PLAAT5: variants seen among roughly 807,000 people sequenced by gnomAD.
The protein encoded by PLAAT5 is Ca(2+)-independent N-acyltransferase.
PLAAT5 carries 27 observed loss-of-function variants against 27.8 expected under a neutral mutation model. The ratio of observed to expected loss-of-function variants is 0.97; its 90% CI spans 0.72 to 1.34. The LOEUF is 1.34. Ranked by LOEUF, PLAAT5 falls within the 40% of genes most tolerant of loss-of-function variation. PLAAT5 has a pLI of 0.00. For missense variants in PLAAT5, 368 were observed against 343.8 expected, an observed-to-expected ratio of 1.07 and a Z score of -0.56; for synonymous variants, 125 against 136.1, an observed-to-expected ratio of 0.92 and a Z score of 0.57.
intron 3 of PLAAT5, among the ~76,000 whole-genome samples, chr11:63,479,096 G>A (rs183383581): frequency 1.4e-4 from 22 of 152,334 alleles, no homozygotes; most frequent in Admixed American, 1.4e-3. Context: ...AGGGAAAGCA[G>A]TAGGGATATC....
At position 63,465,847 on chromosome 11, in the gene PLAAT5, G is replaced by C. The variant is rs552064044; in HGVS notation, c.717+263C>G. On this transcript the variant is annotated intron_variant, in intron 5 of 5. Coordinates refer to ENST00000540857, the MANE Select transcript of PLAAT5 (RefSeq NM_001146729.2). ...AAAGCTTTCAGAAATATACTGATTT[G>C]ACCAAGGATACCCCTCTAGTTAATA... 5.9e-5 allele frequency among the ~76,000 whole-genome samples: 9 copies of C among 152,204 alleles called. 1 individual carries two copies. In the South Asian group the frequency reaches 1.9e-3, roughly 32 times the overall value.
At chr11:63,475,076 G>C (rs981691324) in intron 3 of PLAAT5, among the ~76,000 whole-genome samples, 10 of 152,050 alleles carry the variant, frequency 6.6e-5, no homozygotes, top group Non-Finnish European at 1.3e-4. Context: ...GCCTAGAAGA[G>C]GGTCTACACT....
chr11:63,472,221 G>GA (rs1283058471), intron 3 of PLAAT5, among the ~76,000 whole-genome samples: 1 of 151,974 alleles, frequency 6.6e-6, no homozygotes, highest in East Asian at 1.9e-4. Flanking sequence ...AAAAAGGAAA[G>GA]AAAAAAACAG....
At chr11:63,464,552 A>T (rs893467179) in intron 5 of PLAAT5, among the ~76,000 whole-genome samples, 4 of 152,028 alleles carry the variant, frequency 2.6e-5, no homozygotes, top group Non-Finnish European at 2.9e-5. Context: ...GCTACTCGGG[A>T]GGCTGAAGCA....
At chr11:63,476,595 C>T (rs1462404189) in intron 3 of PLAAT5, among the ~76,000 whole-genome samples, 1 of 152,094 alleles carries the variant, frequency 6.6e-6, no homozygotes, top group Admixed American at 6.5e-5. Flanking sequence ...TATTGTGCAT[C>T]TCTTGTATAC....
At chr11:63,482,579 C>T (rs1287789211) in intron 3 of PLAAT5, among the ~76,000 whole-genome samples, 1 of 152,238 alleles carries the variant, frequency 6.6e-6, no homozygotes, top group African/African-American at 2.4e-5. Flanking sequence ...GAATTCACCA[C>T]AACTAAGCCA....
intron 3 of PLAAT5, among the ~76,000 whole-genome samples, chr11:63,488,565 A>C (rs1052254160): frequency 3.9e-5 from 6 of 152,176 alleles, no homozygotes; most frequent in African/African-American, 1.4e-4. Flanking sequence ...CATCTAAACC[A>C]AGTTTGTCCA....
At position 63,488,917 on chromosome 11, in the gene PLAAT5, ATTGAACTCCAGTC is replaced by A; in HGVS notation, c.286_298del (p.Asp96PhefsTer10). 6.2e-7 allele frequency: 1 copy of A among 1,613,852 alleles called. No individual in the cohort carries two copies. The highest frequency in any genetic ancestry group is 8.5e-7 in the Non-Finnish European group (1 of 1,179,842). On this transcript the variant is annotated frameshift_variant, in exon 3 of 6. Transcript: ENST00000540857. LOFTEE classifies it high-confidence loss of function. ...CTTGCCTTCATTCTCAGGCTTTGGA[ATTGAACTCCAGTC>A]TGCTTTCTGGCTGGGTGTGGTCTCC...
intron 3 of PLAAT5, among the ~76,000 whole-genome samples, chr11:63,477,383 T>C (rs1490488863): frequency 6.6e-6 from 1 of 152,232 alleles, no homozygotes; most frequent in African/African-American, 2.4e-5. Flanking sequence ...TTGTTGTTTG[T>C]TTAGTGACCC....
rs1286068316 is a variant in PLAAT5, at chr11:63,462,295, AGT to A, written c.*1206_*1207del. The A allele has an allele frequency of 5.9e-5, 9 of 152,272 alleles. No homozygotes were observed. The highest frequency in any genetic ancestry group is 2.2e-4 in the African/African-American group (9 of 41,544). The allele number at this position is 152,272 out of a possible 1,614,324, so 9.4% of individuals were successfully genotyped here. On this transcript the variant is annotated 3_prime_UTR_variant, in exon 6 of 6. Transcript: ENST00000540857. ...AACTCAACTGATTCTCAGGCAGGGG[AGT>A]GTGAGAAGAAATGGGGAAGAGGAAC... is the stretch of plus-strand genomic sequence containing the variant.
rs377110717 is a variant in PLAAT5 at position 63,469,145 on chromosome 11, T to TGTGAGA, written c.346-681_346-680insTCTCAC. ...GTGTGTGTGTGTGTGTGTGTGTGTG[T>TGTGAGA]GAGAGAGAGAGAGAGACAGGTAGAG... On this transcript the variant is annotated intron_variant, in intron 3 of 5. Coordinates refer to ENST00000540857, the MANE Select transcript of PLAAT5 (RefSeq NM_001146729.2). 8.8e-3 allele frequency among the ~76,000 whole-genome samples: 1,084 copies of TGTGAGA among 122,716 alleles called. 23 individuals carry two copies. Among genetic ancestry groups the TGTGAGA allele is most frequent in the African/African-American group, 0.03 (1,020 of 33,646 alleles). The allele number at this position is 122,716 out of a possible 152,430, so 80.5% of individuals were successfully genotyped here.
chr11:63,490,632 C>G, intron 1 of PLAAT5: 2 of 607,000 alleles, frequency 3.3e-6, no homozygotes, highest in Non-Finnish European at 5.7e-6. Context: ...GAGCCAGAGC[C>G]GGTCTTAACA....
At chr11:63,474,208 C>G (rs951980372) in intron 3 of PLAAT5, among the ~76,000 whole-genome samples, 2 of 152,092 alleles carry the variant, frequency 1.3e-5, no homozygotes, top group Non-Finnish European at 2.9e-5. Context: ...CAAGGTAATA[C>G]TGGCCTCACA....
chr11:63,484,382 C>T (rs187422814), intron 3 of PLAAT5, among the ~76,000 whole-genome samples: 31 of 151,214 alleles, frequency 2.1e-4, no homozygotes, highest in African/African-American at 7.0e-4. Flanking sequence ...AACACGGATG[C>T]AAAAATCCTC....
In PLAAT5 at chr11:63,490,879, G is replaced by GAATACACATGTCCCCAAGAATGC; in HGVS notation, c.148+7_148+8insGCATTCTTGGGGACATGTGTATT. The GAATACACATGTCCCCAAGAATGC allele has an allele frequency of 1.3e-6, 2 of 1,599,754 alleles. No homozygotes were observed. Among genetic ancestry groups the GAATACACATGTCCCCAAGAATGC allele is most frequent in the Non-Finnish European group, 1.7e-6 (2 of 1,173,810 alleles). On this transcript the variant is annotated splice_region_variant and intron_variant, in intron 1 of 5. Coordinates refer to ENST00000540857, the MANE Select transcript of PLAAT5 (RefSeq NM_001146729.2). ...GGATTGTCCTTCAGCCGCATTCTTGGGGCTGACCTGAGTGGGGCACAGCTG... is the reference window on the plus strand; with the variant it reads ...GGATTGTCCTTCAGCCGCATTCTTGGAATACACATGTCCCCAAGAATGCGGCTGACCTGAGTGGGGCACAGCTG...
At chr11:63,483,801 GTA>G (rs71039646) in intron 3 of PLAAT5, among the ~76,000 whole-genome samples, 1,079 of 24,030 alleles carry the variant, frequency 0.045, 28 homozygotes, top group East Asian at 0.069. Context: ...ATATATATAT[GTA>G]TATATATATA....
In PLAAT5 at chr11:63,466,156, T is replaced by C. The variant is rs775403984; in HGVS notation, c.671A>G (p.Glu224Gly). ...VQYSLIEGNCEHFVNGLRYGV... is the reference protein window; with the variant it reads ...VQYSLIEGNCGHFVNGLRYGV... Reference sequence around the variant, plus strand: ...ATATCTGAGGCCATTGACAAAGTGCTCACAGTTCCCTTCAATCAGGCTGTA... The same window carrying C: ...ATATCTGAGGCCATTGACAAAGTGCCCACAGTTCCCTTCAATCAGGCTGTA... The change falls in exon 5 of 6, where the codon GAG becomes GGG. Residue 224 changes from glutamate to glycine, a missense_variant. Physicochemically the swap from Glu to Gly is moderately conservative, Grantham distance 98. Transcript: ENST00000540857. 4.6e-5 allele frequency: 74 copies of C among 1,614,046 alleles called. No homozygotes were observed. The highest frequency in any genetic ancestry group is 5.8e-5 in the Non-Finnish European group (69 of 1,180,026).
chr11:63,464,263 T>A (rs2015794219), intron 5 of PLAAT5, among the ~76,000 whole-genome samples: 1 of 152,124 alleles, frequency 6.6e-6, no homozygotes, highest in Non-Finnish European at 1.5e-5. Context: ...AGACTAACAT[T>A]GGAATGTGAG....
At position 63,491,107 on chromosome 11, in the gene PLAAT5, G is replaced by A. The variant is rs899066482; in HGVS notation, c.-73C>T. On this transcript the variant is annotated 5_prime_UTR_variant, in exon 1 of 6. Transcript: ENST00000540857. ...CCCCTGGCGAGTTCCCAGTCGGCGCGGCCCCTGGTCGGCGGAGCCGCGGAA... is the reference window on the plus strand; with the variant it reads ...CCCCTGGCGAGTTCCCAGTCGGCGCAGCCCCTGGTCGGCGGAGCCGCGGAA... 2 of 1,259,458 alleles carry A rather than the reference G, an allele frequency of 1.6e-6. No homozygotes were observed. Among genetic ancestry groups the A allele is most frequent in the Non-Finnish European group, 2.0e-6 (2 of 979,422 alleles). 78.0% of individuals were successfully genotyped at this position (1,259,458 alleles called of 1,614,324 possible).
Sources: allele counts gnomAD v4.1 joint callset (sites outside exome capture counted in the v4.1 genomes callset), GRCh38; gene constraint gnomAD v4.1.1; transcripts MANE v1.5; gene names NCBI Gene and HGNC (gene_info 2026-07-23, HGNC 2026-07-21).